Variants in PPP2R2B observed in about 807,000 individuals in gnomAD.
PPP2R2B encodes the protein protein phosphatase 2 regulatory subunit Bbeta.
Under a neutral mutation model 46.0 loss-of-function variants are expected in PPP2R2B, and 5 were observed. The ratio of observed to expected loss-of-function variants is 0.11; its 90% CI spans 0.06 to 0.23. The LOEUF is 0.23. Ranked by LOEUF, PPP2R2B falls within the 10% of genes least tolerant of loss-of-function variation. The pLI is 1.00. For missense variants in PPP2R2B, 367 were observed against 575.0 expected (o/e 0.64, Z 3.70); for synonymous variants, 215 against 206.7 (o/e 1.04, Z -0.34).
chr5:146,642,406 C>T (rs189503905), intron 6 of PPP2R2B, among the ~76,000 whole-genome samples: 83 of 151,992 alleles, frequency 5.5e-4, no homozygotes, highest in Non-Finnish European at 9.9e-4. Flanking sequence ...TTTCCTAATC[C>T]CAAGTTTAGA....
Position 146,664,852 on chromosome 5 carries a change from G to A in PPP2R2B, c.448-14128C>T, listed in dbSNP as rs534155266. ...GCAGAATGGATGTTGTTAGCAGGCCGGAAAACATTAATCTCCTTGTACTTC... is the reference window on the plus strand; with the variant it reads ...GCAGAATGGATGTTGTTAGCAGGCCAGAAAACATTAATCTCCTTGTACTTC... On this transcript the variant is annotated intron_variant, in intron 5 of 9. Coordinates refer to ENST00000394411, the MANE Select transcript of PPP2R2B (RefSeq NM_181675.4). 2.6e-5 allele frequency among the ~76,000 whole-genome samples: 4 copies of A among 152,252 alleles called. No individual in the cohort carries two copies. The South Asian group carries it at 6.2e-4, about 24-fold the overall frequency.
intron 5 of PPP2R2B, among the ~76,000 whole-genome samples, chr5:146,678,361 C>T (rs570824119): frequency 1.4e-5 from 2 of 146,126 alleles, no homozygotes; most frequent in African/African-American, 5.5e-5. Flanking sequence ...GCTAAAAACT[C>T]TCAATAAATT....
At chr5:146,677,809 T>C (rs570160129) in intron 5 of PPP2R2B, among the ~76,000 whole-genome samples, 7 of 152,216 alleles carry the variant, frequency 4.6e-5, no homozygotes, top group African/African-American at 7.2e-5. Context: ...ATTACAGGCG[T>C]GTACCACCAC....
intron 2 of PPP2R2B, among the ~76,000 whole-genome samples, chr5:146,739,558 G>C (rs1465343716): frequency 6.6e-6 from 1 of 152,148 alleles, no homozygotes. Context: ...GGCAAAGGAA[G>C]GACACATGTT....
At chr5:146,877,247 G>A (rs1394566096) in intron 2 of PPP2R2B, among the ~76,000 whole-genome samples, 1 of 152,130 alleles carries the variant, frequency 6.6e-6, no homozygotes, top group Non-Finnish European at 1.5e-5. Context: ...GAACAAGCTG[G>A]GAGAGAGGGA....
intron 2 of PPP2R2B, among the ~76,000 whole-genome samples, chr5:146,756,729 G>C (rs945587484): frequency 6.6e-6 from 1 of 152,188 alleles, no homozygotes; most frequent in African/African-American, 2.4e-5. Flanking sequence ...AATTAAATGA[G>C]TGAATTCATG....
chr5:146,965,285 T>C (rs1263755517), intron 1 of PPP2R2B, among the ~76,000 whole-genome samples: 1 of 152,236 alleles, frequency 6.6e-6, no homozygotes, highest in East Asian at 1.9e-4. Context: ...AGAATTCTTA[T>C]ACATACACAT....
At chr5:146,590,489 G>A (rs909539624) in intron 9 of PPP2R2B, among the ~76,000 whole-genome samples, 1 of 135,946 alleles carries the variant, frequency 7.4e-6, no homozygotes, top group Non-Finnish European at 1.5e-5. Context: ...CTTGTAATTT[G>A]CTTTTGCTCA....
At chr5:146,906,383 C>T (rs1020849215) in intron 1 of PPP2R2B, among the ~76,000 whole-genome samples, 43 of 152,000 alleles carry the variant, frequency 2.8e-4, no homozygotes, top group East Asian at 7.7e-4. Flanking sequence ...AGTGCAATGG[C>T]GCGATCTCGG....
At chr5:147,079,750 A>G (rs1445465015) in intron 2 of PPP2R2B, among the ~76,000 whole-genome samples, 1 of 152,158 alleles carries the variant, frequency 6.6e-6, no homozygotes, top group East Asian at 1.9e-4. Flanking sequence ...GATCTGAGGA[A>G]TAAGTTTTGT....
chr5:147,013,205 C>T (rs1327844331), intron 1 of PPP2R2B, among the ~76,000 whole-genome samples: 2 of 116,090 alleles, frequency 1.7e-5, no homozygotes, highest in African/African-American at 5.4e-5. Context: ...TGAAGGAGAA[C>T]TACAAACCAC....
chr5:146,690,628 T>C (rs550449390), intron 5 of PPP2R2B, among the ~76,000 whole-genome samples: 1 of 152,364 alleles, frequency 6.6e-6, no homozygotes, highest in Non-Finnish European at 1.5e-5. Flanking sequence ...CAGTACGTAC[T>C]GTGTTCACTG....
At chr5:146,956,893 T>C (rs1366185784) in intron 1 of PPP2R2B, among the ~76,000 whole-genome samples, 3 of 152,184 alleles carry the variant, frequency 2.0e-5, no homozygotes, top group Non-Finnish European at 2.9e-5. Flanking sequence ...GTCTCTCTTT[T>C]GAGGGCATTA....
chr5:146,839,059 T>A, intron 2 of PPP2R2B, among the ~76,000 whole-genome samples: 1 of 152,222 alleles, frequency 6.6e-6, no homozygotes. Flanking sequence ...CTTCCCTTCT[T>A]ATAACTTCCA....
At chr5:146,796,466 C>T (rs1369132729) in intron 2 of PPP2R2B, among the ~76,000 whole-genome samples, 1 of 152,192 alleles carries the variant, frequency 6.6e-6, no homozygotes, top group Non-Finnish European at 1.5e-5. Context: ...CATTCTTCTT[C>T]TTTTAATTTA....
intron 1 of PPP2R2B, among the ~76,000 whole-genome samples, chr5:147,024,815 G>T (rs898383688): frequency 3.9e-5 from 6 of 152,000 alleles, no homozygotes; most frequent in African/African-American, 1.2e-4. Flanking sequence ...GCAGATAAAG[G>T]CACACTTAGA....
chr5:146,622,052 C>T (rs1773740438), intron 7 of PPP2R2B, among the ~76,000 whole-genome samples: 1 of 152,160 alleles, frequency 6.6e-6, no homozygotes, highest in African/African-American at 2.4e-5. Flanking sequence ...CTGTGCTCTG[C>T]CTAGTACATG....
intron 1 of PPP2R2B, among the ~76,000 whole-genome samples, chr5:147,001,154 A>T (rs2151869042): frequency 6.6e-6 from 1 of 152,282 alleles, no homozygotes; most frequent in Admixed American, 6.5e-5. Context: ...TGGACCAATC[A>T]CCAGGGTGGG....
At chr5:146,664,473 C>T (rs1219544176) in intron 5 of PPP2R2B, among the ~76,000 whole-genome samples, 1 of 152,002 alleles carries the variant, frequency 6.6e-6, no homozygotes. Context: ...TACCATGAGG[C>T]TGCAGCAATT....
Sources: allele counts gnomAD v4.1 joint callset (sites outside exome capture counted in the v4.1 genomes callset), GRCh38; gene constraint gnomAD v4.1.1; transcripts MANE v1.5; gene names NCBI Gene and HGNC (gene_info 2026-07-23, HGNC 2026-07-21).